The following SPATA12 variants were observed in gnomAD, a reference collection of about 807,000 sequenced individuals.
SPATA12 encodes the protein spermatogenesis associated 12.
For missense variants in SPATA12, 219 were observed against 226.4 expected, an observed-to-expected ratio of 0.97 and a Z score of 0.21; for synonymous variants, 85 against 89.2, an observed-to-expected ratio of 0.95 and a Z score of 0.26.
Position 57,073,406 on chromosome 3 carries a change from G to A in SPATA12, c.-289G>A, listed in dbSNP as rs1706041948. 2.9e-6 allele frequency: 1 copy of A among 349,906 alleles called. No individual in the cohort carries two copies. The highest frequency in any genetic ancestry group is 4.7e-5 in the East Asian group (1 of 21,150). 21.7% of individuals were successfully genotyped at this position (349,906 alleles called of 1,614,324 possible). On this transcript the variant is annotated 5_prime_UTR_variant, in exon 2 of 2. Coordinates refer to ENST00000334325, the MANE Select transcript of SPATA12 (RefSeq NM_181727.2). ...AGAGAGAGAAAGCCACTGGAGTTGG[G>A]CAGCGTGGGAAGCTGTGAAAGTGGA...
chr3:57,069,390 C>CACAT (rs1553821339), intron 1 of SPATA12, among the ~76,000 whole-genome samples: 1 of 151,736 alleles, frequency 6.6e-6, no homozygotes, highest in Non-Finnish European at 1.5e-5. Flanking sequence ...CACACACACA[C>CACAT]ACACACACAC....
chr3:57,072,489 C>G (rs1264037020), intron 1 of SPATA12, among the ~76,000 whole-genome samples: 1 of 151,586 alleles, frequency 6.6e-6, no homozygotes, highest in Non-Finnish European at 1.5e-5. Context: ...GTCCGTAATC[C>G]CAGCACTTCA....
intron 1 of SPATA12, among the ~76,000 whole-genome samples, chr3:57,063,178 G>A (rs1705326323): frequency 2.6e-5 from 4 of 152,190 alleles, no homozygotes; most frequent in African/African-American, 2.4e-5. Flanking sequence ...AGGTGCCCAC[G>A]CAGGGAACAG....
rs1002738111 is a variant in SPATA12 at position 57,074,047 on chromosome 3, G to A, written c.353G>A (p.Cys118Tyr). Residue 118 changes from cysteine to tyrosine, a missense_variant, in exon 2 of 2, where the codon TGT becomes TAT. Physicochemically the swap from Cys to Tyr is radical, Grantham distance 194. Coordinates refer to ENST00000334325, the MANE Select transcript of SPATA12 (RefSeq NM_181727.2). ...GCTCTCCTGATACAGCAAGGCAGTT[G>A]TGAGCAAGTTATTCATAACTCTACA... The part of the protein sequence containing the change: ...PPALLIQQGS[C>Y]EQVIHNSTPQ... The A allele has an allele frequency of 1.9e-6, 3 of 1,614,094 alleles. No homozygotes were observed. Among genetic ancestry groups the A allele is most frequent in the Non-Finnish European group, 2.5e-6 (3 of 1,180,034 alleles).
chr3:57,065,216 C>A (rs765919995), intron 1 of SPATA12, among the ~76,000 whole-genome samples: 1 of 152,212 alleles, frequency 6.6e-6, no homozygotes, highest in Non-Finnish European at 1.5e-5. Flanking sequence ...AATCCCAGCA[C>A]TTCGGGAGGC....
intron 1 of SPATA12, among the ~76,000 whole-genome samples, chr3:57,071,733 G>A (rs1705919267): frequency 6.6e-6 from 1 of 150,580 alleles, no homozygotes; most frequent in Admixed American, 6.6e-5. Flanking sequence ...TCTTACGTAT[G>A]ACACCAAAAG....
chr3:57,060,864 T>C (rs1037186959), intron 1 of SPATA12, 78 bp downstream of exon 1: 1 of 148,568 alleles, frequency 6.7e-6, no homozygotes, highest in Non-Finnish European at 1.5e-5. Flanking sequence ...ACCACTTCTT[T>C]TTTGGCCTGT....
chr3:57,074,974 C>T lies in SPATA12; in HGVS notation c.*707C>T, dbSNP rs1004333853. 1.2e-5 allele frequency: 2 copies of T among 167,292 alleles called. No homozygotes were observed. Among genetic ancestry groups the T allele is most frequent in the Non-Finnish European group, 2.9e-5 (2 of 68,324 alleles). 10.4% of individuals were successfully genotyped at this position (167,292 alleles called of 1,614,324 possible). On this transcript the variant is annotated 3_prime_UTR_variant, in exon 2 of 2. Transcript: ENST00000334325. ...GAGGGCAGGAGGAGAGTTCTGCCTA[C>T]ATTGTCTCATTTTCCCTCCCCTTCT...
chr3:57,074,762 G>A lies in SPATA12; in HGVS notation c.*495G>A, dbSNP rs140350146. 2.1e-3 allele frequency: 379 copies of A among 179,926 alleles called. 3 individuals carry two copies. The highest frequency in any genetic ancestry group is 4.2e-3 in the Non-Finnish European group (313 of 75,272). 11.1% of individuals were successfully genotyped at this position (179,926 alleles called of 1,614,324 possible). A position where few individuals can be genotyped will look rare whatever the true frequency, so the allele number is the denominator to read the frequency against. On this transcript the variant is annotated 3_prime_UTR_variant, in exon 2 of 2. Coordinates refer to ENST00000334325, the MANE Select transcript of SPATA12 (RefSeq NM_181727.2). ...AGTCCACTGCCAGGGTAGGTGCAGT[G>A]GAGCAAGTCTTACAATGTGCAGGAT... is the stretch of plus-strand genomic sequence containing the variant.
chr3:57,073,479 G>A lies in SPATA12; in HGVS notation c.-216G>A, dbSNP rs886169826. On this transcript the variant is annotated 5_prime_UTR_variant, in exon 2 of 2. In the 5' UTR this introduces an upstream ATG that the reference lacks. Coordinates refer to ENST00000334325, the MANE Select transcript of SPATA12 (RefSeq NM_181727.2). Reference sequence around the variant, plus strand: ...TAGTGGAAACAGCAGAAGCAAAGATGTGAACATGGGAAAACCTCTGCAGTA... The same window carrying A: ...TAGTGGAAACAGCAGAAGCAAAGATATGAACATGGGAAAACCTCTGCAGTA... The A allele has an allele frequency of 1.1e-5, 7 of 646,744 alleles. No homozygotes were observed. The South Asian group carries it at 1.9e-4, about 17-fold the overall frequency. 40.1% of individuals were successfully genotyped at this position (646,744 alleles called of 1,614,324 possible). A position where few individuals can be genotyped will look rare whatever the true frequency, so the allele number is the denominator to read the frequency against.
At chr3:57,071,729 G>C (rs915004486) in intron 1 of SPATA12, among the ~76,000 whole-genome samples, 1 of 150,650 alleles carries the variant, frequency 6.6e-6, no homozygotes, top group Non-Finnish European at 1.5e-5. Flanking sequence ...GGTTTCTTAC[G>C]TATGACACCA....
rs768586626 is a variant in SPATA12 at position 57,073,650 on chromosome 3, C to T, written c.-45C>T. The T allele has an allele frequency of 4.5e-6, 7 of 1,571,968 alleles. No homozygotes were observed. The Admixed American group carries it at 5.5e-5, about 12-fold the overall frequency. ...CTCAGGGATTGGCTCCGGCCAAGTG[C>T]CCCAGCCTCCTTTTCTGGAGAATTC... is the stretch of plus-strand genomic sequence containing the variant. On this transcript the variant is annotated 5_prime_UTR_variant, in exon 2 of 2. Coordinates refer to ENST00000334325, the MANE Select transcript of SPATA12 (RefSeq NM_181727.2).
intron 1 of SPATA12, among the ~76,000 whole-genome samples, chr3:57,068,919 ATT>A (rs35984791): frequency 4.3e-5 from 6 of 138,240 alleles, no homozygotes; most frequent in African/African-American, 5.3e-5. Context: ...AAAAGATCTG[ATT>A]TTTTTTTTTT....
chr3:57,069,384 C>CACACAT (rs1705753065), intron 1 of SPATA12, among the ~76,000 whole-genome samples: 1 of 151,214 alleles, frequency 6.6e-6, no homozygotes, highest in Non-Finnish European at 1.5e-5. Flanking sequence ...CAAACACACA[C>CACACAT]ACACACACAC....
chr3:57,066,555 G>T (rs913056578), intron 1 of SPATA12, among the ~76,000 whole-genome samples: 2 of 152,178 alleles, frequency 1.3e-5, no homozygotes, highest in African/African-American at 4.8e-5. Context: ...GAGCCACCGC[G>T]CCCAGGCTTT....
chr3:57,074,262 CT>C lies in SPATA12; in HGVS notation c.569del (p.Leu190ArgfsTer4). 1 of 1,607,166 alleles carries C rather than the reference CT, an allele frequency of 6.2e-7. No individual in the cohort carries two copies. The highest frequency in any genetic ancestry group is 8.5e-7 in the Non-Finnish European group (1 of 1,175,210). ...CTCCAACACACACATACACACACAT[CT>C]GTAATCAATAATAATCCTGCAACAT... is the stretch of plus-strand genomic sequence containing the variant. Reference protein sequence around the residue: ...VYSNTHIHTHL With the variant: ...VYSNTHIHTHX On this transcript the variant is annotated frameshift_variant, in exon 2 of 2. Coordinates refer to ENST00000334325, the MANE Select transcript of SPATA12 (RefSeq NM_181727.2). LOFTEE classifies it high-confidence loss of function.
At position 57,074,188 on chromosome 3, in the gene SPATA12, A is replaced by C. The variant is rs773776146; in HGVS notation, c.494A>C (p.Gln165Pro). The C allele has an allele frequency of 1.3e-5, 21 of 1,614,144 alleles. No homozygotes were observed. The South Asian group carries it at 2.2e-4, about 17-fold the overall frequency. Reference sequence around the variant, plus strand: ...AGCACAGGGTGCAGCCGTTCAAACCAACTGACATTTACTGAGGGCTGCTTT... The same window carrying C: ...AGCACAGGGTGCAGCCGTTCAAACCCACTGACATTTACTGAGGGCTGCTTT... ...PSSTGCSRSN[Q>P]LTFTEGCFVR... Residue 165 changes from glutamine (Q) to proline (P), a missense_variant, in exon 2 of 2, where the codon CAA becomes CCA. By Grantham distance (76) the Gln-to-Pro change is moderately conservative (BLOSUM62 -1). Transcript: ENST00000334325.
At chr3:57,064,865 A>G (rs909288727) in intron 1 of SPATA12, among the ~76,000 whole-genome samples, 4 of 152,240 alleles carry the variant, frequency 2.6e-5, no homozygotes, top group Non-Finnish European at 5.9e-5. Flanking sequence ...TGGTTGCACA[A>G]TAATATCAGT....
chr3:57,062,084 T>C (rs1184978228), intron 1 of SPATA12, among the ~76,000 whole-genome samples: 7 of 152,142 alleles, frequency 4.6e-5, no homozygotes, highest in African/African-American at 9.7e-5. Flanking sequence ...GGATTGGATC[T>C]GTCTAGACTC....
Sources: allele counts gnomAD v4.1 joint callset (sites outside exome capture counted in the v4.1 genomes callset), GRCh38; gene constraint gnomAD v4.1.1; transcripts MANE v1.5; gene names NCBI Gene and HGNC (gene_info 2026-07-23, HGNC 2026-07-21).